Variants in PDGFRA observed in about 807,000 individuals in gnomAD.
PDGFRA encodes platelet derived growth factor receptor alpha.
Under a neutral mutation model 121.5 loss-of-function variants are expected in PDGFRA, and 25 were observed. The ratio of observed to expected loss-of-function variants is 0.21; its 90% CI spans 0.15 to 0.29. The LOEUF is 0.29. PDGFRA is among the 10% of genes least tolerant of loss of function. The pLI is 1.00. For missense variants in PDGFRA, 1,008 were observed against 1,345.1 expected (o/e 0.75, Z 3.92); for synonymous variants, 463 against 494.8 (o/e 0.94, Z 0.85).
rs2110241617 is a variant in PDGFRA at position 54,261,102 on chromosome 4, C to T, written c.57C>T (p.Ser19=). ...LVLGCLLTGL[S]LILCQLSLPS... ...GCGTGCTTCCTTTTGCAGGGCTGAG[C>T]CTAATCCTCTGCCAGCTTTCATTAC... Residue 19 remains serine, a synonymous_variant, in exon 3 of 23, where the codon AGC becomes AGT. Coordinates refer to ENST00000257290, the MANE Select transcript of PDGFRA (RefSeq NM_006206.6). The T allele has an allele frequency of 6.2e-7, 1 of 1,613,970 alleles. No individual in the cohort carries two copies. The highest frequency in any genetic ancestry group is 8.5e-7 in the Non-Finnish European group (1 of 1,179,868).
chr4:54,266,260 G>C (rs1005429903), intron 5 of PDGFRA, among the ~76,000 whole-genome samples: 3 of 151,992 alleles, frequency 2.0e-5, no homozygotes, highest in Non-Finnish European at 4.4e-5. Context: ...TGTTTTTTCC[G>C]ATTATAAAAG....
chr4:54,263,547 T>C (rs1722864452), intron 3 of PDGFRA, 120 bp from the exon 4 acceptor site: 1 of 949,606 alleles, frequency 1.1e-6, no homozygotes, highest in Admixed American at 1.7e-5. Context: ...CTTCTGGATA[T>C]ATGTGTAAAG....
At chr4:54,265,323 G>A (rs1722976098) in intron 5 of PDGFRA, 1 of 406,604 alleles carries the variant, frequency 2.5e-6, no homozygotes, top group Non-Finnish European at 4.6e-6. Flanking sequence ...AAATAGGAAG[G>A]TTCTCTGGCT....
At position 54,298,172 on chromosome 4, in the gene PDGFRA, T is replaced by C. The variant is rs1724969589; in HGVS notation, c.*2900T>C. The C allele has an allele frequency of 4.8e-6, 1 of 208,892 alleles. No individual in the cohort carries two copies. The highest frequency in any genetic ancestry group is 2.3e-5 in the African/African-American group (1 of 43,996). The allele number at this position is 208,892 out of a possible 1,614,324, so 12.9% of individuals were successfully genotyped here. On this transcript the variant is annotated 3_prime_UTR_variant, in exon 23 of 23. Transcript: ENST00000257290. Reference sequence around the variant, plus strand: ...ATACAAAATGTATTACGAATGCCCCTGTTCATGTTTTTGTTTTAAAACGTG... The same window carrying C: ...ATACAAAATGTATTACGAATGCCCCCGTTCATGTTTTTGTTTTAAAACGTG...
rs1288330578 is a variant in PDGFRA, at chr4:54,295,133, C to T, written c.3131C>T (p.Thr1044Ile). The T allele has an allele frequency of 6.2e-7, 1 of 1,613,938 alleles. No homozygotes were observed. The highest frequency in any genetic ancestry group is 8.5e-7 in the Non-Finnish European group (1 of 1,179,944). The change falls in exon 23 of 23, where the codon ACC becomes ATC. Residue 1044 changes from threonine (T) to isoleucine (I), a missense_variant. Around this residue, in one of 5 missense-constraint regions of PDGFRA, gnomAD observed 204 missense variants for 243.0 expected, o/e 0.84. Coordinates refer to ENST00000257290, the MANE Select transcript of PDGFRA (RefSeq NM_006206.6). ...LGKRNRHSSQ[T>I]SEESAIETGS... is the part of the protein sequence containing the mutation. ...TTCTCTCCCTCCTCCAGCTCGCAGACCTCTGAAGAGAGTGCCATTGAGACG... is the reference window on the plus strand; with the variant it reads ...TTCTCTCCCTCCTCCAGCTCGCAGATCTCTGAAGAGAGTGCCATTGAGACG...
intron 1 of PDGFRA, among the ~76,000 whole-genome samples, chr4:54,243,268 C>T (rs2110194267): frequency 6.6e-6 from 1 of 152,274 alleles, no homozygotes; most frequent in South Asian, 2.1e-4. Flanking sequence ...TAATTAAGAT[C>T]ACTTACTTAT....
chr4:54,280,808 G>T, intron 16 of PDGFRA: 1 of 172,386 alleles, frequency 5.8e-6, no homozygotes, highest in Non-Finnish European at 1.2e-5. Flanking sequence ...CTTTTTTATT[G>T]CTGTCTTTTT....
intron 1 of PDGFRA, among the ~76,000 whole-genome samples, chr4:54,255,132 G>A (rs1205157446): frequency 2.6e-5 from 4 of 152,288 alleles, no homozygotes; most frequent in South Asian, 2.1e-4. Flanking sequence ...GGTCATTTGC[G>A]AAACCTCTCT....
At chr4:54,251,065 C>CAAAAAAAAAAAAA (rs566538469) in intron 1 of PDGFRA, among the ~76,000 whole-genome samples, 2 of 51,854 alleles carry the variant, frequency 3.9e-5, no homozygotes. Context: ...AACTCCGTCT[C>CAAAAAAAAAAAAA]AAAAAAAAAA....
intron 16 of PDGFRA, among the ~76,000 whole-genome samples, chr4:54,284,886 T>C (rs1278795733): frequency 7.4e-6 from 1 of 134,300 alleles, no homozygotes; most frequent in Non-Finnish European, 1.6e-5. Flanking sequence ...TATCTTTTTT[T>C]TTTTTTTTTT....
chr4:54,271,936 C>T (rs1487183148), intron 8 of PDGFRA, among the ~76,000 whole-genome samples: 1 of 84,106 alleles, frequency 1.2e-5, no homozygotes, highest in African/African-American at 4.6e-5. Context: ...TCCTTTCTCT[C>T]CTTCCTTCCT....
At chr4:54,237,932 A>C (rs185229396) in intron 1 of PDGFRA, among the ~76,000 whole-genome samples, 23 of 152,268 alleles carry the variant, frequency 1.5e-4, no homozygotes, top group African/African-American at 5.3e-4. Flanking sequence ...GTATCACACG[A>C]CCTTGTGTTC....
chr4:54,272,360 C>T, intron 8 of PDGFRA, 34 bp from the exon 9 acceptor site: 2 of 1,612,704 alleles, frequency 1.2e-6, no homozygotes, highest in Non-Finnish European at 1.7e-6. Context: ...GGGACACGAG[C>T]TATTCCATTC....
intron 1 of PDGFRA, among the ~76,000 whole-genome samples, chr4:54,256,301 C>A (rs994464650): frequency 1.3e-5 from 2 of 151,918 alleles, no homozygotes; most frequent in African/African-American, 4.8e-5. Flanking sequence ...AGTGGCATGA[C>A]CTTGGCTCAC....
At chr4:54,265,618 C>T (rs904353798) in intron 5 of PDGFRA, among the ~76,000 whole-genome samples, 25 of 152,112 alleles carry the variant, frequency 1.6e-4, no homozygotes, top group Admixed American at 4.6e-4. Flanking sequence ...CAATCCCAAG[C>T]ACTGTACCAG....
chr4:54,278,627 A>G (rs1156734382), intron 15 of PDGFRA, 112 bp downstream of exon 15: 2 of 1,041,210 alleles, frequency 1.9e-6, no homozygotes, highest in Non-Finnish European at 2.9e-6. Context: ...CAAGGTAGCA[A>G]GACTTAGAGT....
At chr4:54,254,042 A>G (rs1234515940) in intron 1 of PDGFRA, among the ~76,000 whole-genome samples, 1 of 152,128 alleles carries the variant, frequency 6.6e-6, no homozygotes, top group African/African-American at 2.4e-5. Flanking sequence ...TCAATTACTT[A>G]TATTTGTGCA....
intron 7 of PDGFRA, among the ~76,000 whole-genome samples, chr4:54,269,427 C>T (rs1234266981): frequency 6.6e-6 from 1 of 152,046 alleles, no homozygotes; most frequent in African/African-American, 2.4e-5. Flanking sequence ...TTTTCTTCTC[C>T]ATTCCAGTTG....
intron 1 of PDGFRA, among the ~76,000 whole-genome samples, chr4:54,254,377 A>G (rs1226833445): frequency 6.6e-6 from 1 of 152,170 alleles, no homozygotes; most frequent in African/African-American, 2.4e-5. Flanking sequence ...GATTCTCAGT[A>G]TTTGCCTCCT....
Sources: allele counts gnomAD v4.1 joint callset (sites outside exome capture counted in the v4.1 genomes callset), GRCh38; gene constraint gnomAD v4.1.1; regional missense constraint gnomAD v4.1.1; transcripts MANE v1.5; gene names NCBI Gene and HGNC (gene_info 2026-07-23, HGNC 2026-07-21).